Variants in BCKDHB observed in about 807,000 individuals in gnomAD.
BCKDHB encodes the protein 2-oxoisovalerate dehydrogenase subunit beta, mitochondrial.
BCKDHB carries 41 observed loss-of-function variants against 48.5 expected under a neutral mutation model. The observed-to-expected ratio is 0.85, with a 90% CI of 0.66 to 1.10. The LOEUF (loss-of-function observed/expected upper bound fraction) is 1.10, where lower values mean the gene tolerates loss of function less well. Among genes scored for constraint, BCKDHB ranks in the 50% least tolerant of loss-of-function variants. BCKDHB has a pLI of 0.00. For synonymous variants in BCKDHB, 201 were observed against 174.8 expected, an observed-to-expected ratio of 1.15 and a Z score of -1.18; for missense variants, 496 against 494.2, an observed-to-expected ratio of 1.00 and a Z score of -0.03.
chr6:80,398,007 A>T, the BCKDHB span, among the ~76,000 whole-genome samples: 2 of 152,248 alleles, frequency 1.3e-5, no homozygotes, highest in Non-Finnish European at 2.9e-5. Context: ...TTAATGCAGA[A>T]ATCAAGAAGT....
chr6:80,299,358 A>G (rs1388124136), intron 9 of BCKDHB, among the ~76,000 whole-genome samples: 5 of 152,158 alleles, frequency 3.3e-5, no homozygotes, highest in Admixed American at 1.3e-4. Flanking sequence ...GTGTTTGGCC[A>G]GAAAGATGTT....
At chr6:80,409,685 C>T in the BCKDHB span, among the ~76,000 whole-genome samples, 2 of 136,798 alleles carry the variant, frequency 1.5e-5, no homozygotes, top group Non-Finnish European at 3.1e-5. Context: ...TAATGGCCTT[C>T]TTTGTCTCTT....
At chr6:80,312,974 A>C (rs1283138945) in intron 9 of BCKDHB, among the ~76,000 whole-genome samples, 1 of 151,936 alleles carries the variant, frequency 6.6e-6, no homozygotes, top group Non-Finnish European at 1.5e-5. Context: ...ATCCTTTTTG[A>C]TTTTTTGGAA....
At chr6:80,313,424 G>A (rs964624145) in intron 9 of BCKDHB, among the ~76,000 whole-genome samples, 5 of 152,156 alleles carry the variant, frequency 3.3e-5, no homozygotes, top group African/African-American at 7.2e-5. Context: ...GCAGTGGCGC[G>A]ATCTCAGCTC....
the BCKDHB span, among the ~76,000 whole-genome samples, chr6:80,398,195 T>A: frequency 1.3e-5 from 2 of 150,068 alleles, no homozygotes; most frequent in African/African-American, 2.4e-5. Flanking sequence ...AGCAAACAAA[T>A]CCCAAATATA....
At chr6:80,450,055 C>T in the BCKDHB span, among the ~76,000 whole-genome samples, 2 of 151,870 alleles carry the variant, frequency 1.3e-5, no homozygotes, top group Non-Finnish European at 2.9e-5. Flanking sequence ...TCTTCTTGGT[C>T]CCAAGTTGGT....
Position 80,226,897 on chromosome 6 carries a change from C to T in BCKDHB, c.951+23685C>T, listed in dbSNP as rs187520044. The stretch of plus-strand genomic sequence containing the variant: ...AGCTCTGAGGCATGGAGAGGGATCT[C>T]TGGCCCTGGCTTTTCTACTGGTTGC... On this transcript the variant is annotated intron_variant, in intron 8 of 9. Coordinates refer to ENST00000320393, the MANE Select transcript of BCKDHB (RefSeq NM_183050.4). Among the ~76,000 whole-genome samples the T allele has an allele frequency of 2.4e-3, 370 of 152,328 alleles. 2 individuals are homozygous for T. Among genetic ancestry groups the T allele is most frequent in the Non-Finnish European group, 3.3e-3 (223 of 68,034 alleles).
chr6:80,361,233 T>C, the BCKDHB span, among the ~76,000 whole-genome samples: 1 of 152,128 alleles, frequency 6.6e-6, no homozygotes, highest in Non-Finnish European at 1.5e-5. Context: ...CTTTCCAGCT[T>C]GGCGTCACAT....
chr6:80,185,712 C>T (rs1266410400), intron 6 of BCKDHB, among the ~76,000 whole-genome samples: 2 of 152,136 alleles, frequency 1.3e-5, no homozygotes, highest in Admixed American at 6.5e-5. Context: ...AGCCACTCAG[C>T]GGGGCTGCTG....
the BCKDHB span, among the ~76,000 whole-genome samples, chr6:80,458,774 T>C: frequency 6.6e-6 from 1 of 152,212 alleles, no homozygotes; most frequent in African/African-American, 2.4e-5. Flanking sequence ...CTTATATTCA[T>C]ATATTAATTT....
intron 1 of BCKDHB, among the ~76,000 whole-genome samples, chr6:80,113,500 C>T (rs891366059): frequency 2.0e-5 from 3 of 152,232 alleles, no homozygotes; most frequent in Non-Finnish European, 4.4e-5. Context: ...GCAGTTGCCT[C>T]TGTGCTTAGG....
the BCKDHB span, among the ~76,000 whole-genome samples, chr6:80,395,028 G>T: frequency 6.6e-6 from 1 of 152,098 alleles, no homozygotes; most frequent in Non-Finnish European, 1.5e-5. Context: ...GTTTTCTGAG[G>T]CCCTCCCAGC....
chr6:80,187,223 G>C (rs1192268403), intron 6 of BCKDHB, among the ~76,000 whole-genome samples: 2 of 152,070 alleles, frequency 1.3e-5, no homozygotes, highest in Non-Finnish European at 2.9e-5. Context: ...TTTCTTTGCA[G>C]TATCATTTGA....
At chr6:80,410,953 GT>G in the BCKDHB span, among the ~76,000 whole-genome samples, 1 of 152,148 alleles carries the variant, frequency 6.6e-6, no homozygotes, top group African/African-American at 2.4e-5. Flanking sequence ...CTGTCAACTT[GT>G]CACAGTCATT....
chr6:80,420,005 C>A, the BCKDHB span, among the ~76,000 whole-genome samples: 1 of 151,882 alleles, frequency 6.6e-6, no homozygotes, highest in Middle Eastern at 3.2e-3. Flanking sequence ...TTTTTTATAG[C>A]TTCTATAAGC....
At chr6:80,406,795 A>G in the BCKDHB span, among the ~76,000 whole-genome samples, 1 of 152,300 alleles carries the variant, frequency 6.6e-6, no homozygotes, top group East Asian at 1.9e-4. Flanking sequence ...ATTTTCTCCC[A>G]TTCTGTAGGT....
intron 6 of BCKDHB, among the ~76,000 whole-genome samples, chr6:80,193,928 A>T (rs145249185): frequency 1.6e-3 from 246 of 152,312 alleles, no homozygotes; most frequent in Non-Finnish European, 2.2e-3. Flanking sequence ...TTTATCCAGG[A>T]AGATAAGGAG....
At chr6:80,221,948 A>G (rs1775472329) in intron 8 of BCKDHB, among the ~76,000 whole-genome samples, 1 of 152,078 alleles carries the variant, frequency 6.6e-6, no homozygotes, top group African/African-American at 2.4e-5. Context: ...TAATTTTATT[A>G]TTATTTTTTA....
the BCKDHB span, among the ~76,000 whole-genome samples, chr6:80,364,349 A>T: frequency 3.3e-5 from 5 of 152,164 alleles, no homozygotes; most frequent in African/African-American, 1.2e-4. Flanking sequence ...GCAGGGAGGC[A>T]CAAATCATTC....
Sources: gnomAD v4.1 joint callset for allele counts (sites outside exome capture counted in the v4.1 genomes callset) on GRCh38, gnomAD v4.1.1 for gene constraint, MANE v1.5 for transcripts, NCBI Gene and HGNC (gene_info 2026-07-23, HGNC 2026-07-21) for gene names.